ACVR1: variants seen among roughly 807,000 people sequenced by gnomAD.
The protein encoded by ACVR1 is activin receptor type-1.
Under a neutral mutation model 57.1 loss-of-function variants are expected in ACVR1, and 38 were observed. The observed-to-expected ratio is 0.67, with a 90% CI of 0.51 to 0.87. The LOEUF is 0.87. ACVR1 is among the 40% of genes least tolerant of loss of function. ACVR1 has a pLI of 0.00. For missense variants in ACVR1, 463 were observed against 638.2 expected, an observed-to-expected ratio of 0.73 and a Z score of 2.96; for synonymous variants, 212 against 228.1, an observed-to-expected ratio of 0.93 and a Z score of 0.63.
At chr2:157,790,725 TG>T (rs1416391806) in intron 3 of ACVR1, among the ~76,000 whole-genome samples, 5 of 152,192 alleles carry the variant, frequency 3.3e-5, no homozygotes, top group African/African-American at 1.2e-4. Flanking sequence ...GGAGTATGTG[TG>T]CCTGCCTGTC....
In ACVR1 at chr2:157,875,850, C is replaced by T; in HGVS notation, c.-237G>A. The T allele has an allele frequency of 6.7e-6, 1 of 148,878 alleles. No homozygotes were observed. The allele number at this position is 148,878 out of a possible 1,614,324, so 9.2% of individuals were successfully genotyped here. ...CCGGGGGAGGCGGAGTGCGAGGCAGCCGGGCGCTGCAGGTCGGCGCGGCGC... is the reference window on the plus strand; with the variant it reads ...CCGGGGGAGGCGGAGTGCGAGGCAGTCGGGCGCTGCAGGTCGGCGCGGCGC... On this transcript the variant is annotated 5_prime_UTR_variant, in exon 1 of 11. Transcript: ENST00000434821.
chr2:157,864,019 G>A (rs745316134), intron 1 of ACVR1, among the ~76,000 whole-genome samples: 37 of 150,258 alleles, frequency 2.5e-4, no homozygotes, highest in South Asian at 4.3e-4. Flanking sequence ...CACCATGCCC[G>A]ACTAAATTTT....
chr2:157,859,073 G>A (rs1689636338), intron 1 of ACVR1, among the ~76,000 whole-genome samples: 1 of 152,120 alleles, frequency 6.6e-6, no homozygotes, highest in Non-Finnish European at 1.5e-5. Context: ...CTTGAATAGG[G>A]GCTGAGTAAA....
At chr2:157,825,602 T>C (rs896972256) in intron 1 of ACVR1, among the ~76,000 whole-genome samples, 5 of 152,184 alleles carry the variant, frequency 3.3e-5, no homozygotes, top group African/African-American at 1.2e-4. Flanking sequence ...GGAATCTAGG[T>C]TGTACACTCC....
intron 1 of ACVR1, among the ~76,000 whole-genome samples, chr2:157,855,405 T>C (rs1689498746): frequency 6.8e-6 from 1 of 147,766 alleles, no homozygotes; most frequent in Non-Finnish European, 1.5e-5. Flanking sequence ...GAGGCTGACA[T>C]GGGAGGATCA....
rs565295869 is a variant in ACVR1, at chr2:157,868,594, T to C, written c.-183+7202A>G. Among the ~76,000 whole-genome samples, 7 of 152,334 alleles carry C rather than the reference T, an allele frequency of 4.6e-5. No individual in the cohort carries two copies. The South Asian group carries it at 1.5e-3, about 32-fold the overall frequency. On this transcript the variant is annotated intron_variant, in intron 1 of 10. Transcript: ENST00000434821. Reference sequence around the variant, plus strand: ...TTCTCTCTTTTTGGAATGTTGCCTATGCTACAACCTATACACATACAGATA... The same window carrying C: ...TTCTCTCTTTTTGGAATGTTGCCTACGCTACAACCTATACACATACAGATA...
intron 3 of ACVR1, among the ~76,000 whole-genome samples, chr2:157,787,934 C>G (rs2105290989): frequency 6.6e-6 from 1 of 152,274 alleles, no homozygotes; most frequent in East Asian, 1.9e-4. Flanking sequence ...GGGCCTCCTC[C>G]AAGGTTGCCA....
At chr2:157,787,558 T>C (rs1686757820) in intron 3 of ACVR1, among the ~76,000 whole-genome samples, 1 of 152,198 alleles carries the variant, frequency 6.6e-6, no homozygotes, top group South Asian at 2.1e-4. Flanking sequence ...CAGTGAATTG[T>C]AAACACTTCA....
At chr2:157,751,922 C>T (rs944985922) in intron 9 of ACVR1, among the ~76,000 whole-genome samples, 2 of 152,136 alleles carry the variant, frequency 1.3e-5, no homozygotes, top group Non-Finnish European at 2.9e-5. Context: ...ATGGCCCTGC[C>T]CACCACCTGA....
chr2:157,865,518 G>A (rs1251367281), intron 1 of ACVR1, among the ~76,000 whole-genome samples: 22 of 152,072 alleles, frequency 1.4e-4, no homozygotes, highest in African/African-American at 4.6e-4. Flanking sequence ...TAGGCAGGGC[G>A]CGGTGGTTCA....
chr2:157,803,805 C>T (rs1041905969), intron 2 of ACVR1, among the ~76,000 whole-genome samples: 9 of 151,728 alleles, frequency 5.9e-5, no homozygotes, highest in African/African-American at 1.9e-4. Context: ...TACTGAGAAG[C>T]GTGTGTATGT....
intron 3 of ACVR1, among the ~76,000 whole-genome samples, chr2:157,784,586 C>G (rs1686644472): frequency 6.6e-6 from 1 of 152,240 alleles, no homozygotes; most frequent in Admixed American, 6.5e-5. Flanking sequence ...CACTGCGTGC[C>G]CTTTGTATCA....
At chr2:157,841,820 G>T (rs185095486) in intron 1 of ACVR1, among the ~76,000 whole-genome samples, 8 of 152,136 alleles carry the variant, frequency 5.3e-5, no homozygotes, top group African/African-American at 1.7e-4. Context: ...TCAGGAGATC[G>T]AGATCATCCT....
chr2:157,773,800 A>G (rs575777646), intron 6 of ACVR1, among the ~76,000 whole-genome samples: 3 of 152,318 alleles, frequency 2.0e-5, no homozygotes, highest in Admixed American at 1.3e-4. Context: ...AGGAGCAACC[A>G]TATCAATTCA....
intron 1 of ACVR1, among the ~76,000 whole-genome samples, chr2:157,823,923 A>G (rs1431196588): frequency 2.0e-5 from 3 of 152,194 alleles, no homozygotes; most frequent in African/African-American, 7.2e-5. Flanking sequence ...GCTTGAACCA[A>G]CAGGTTCTGA....
chr2:157,867,958 G>T (rs1273930591), intron 1 of ACVR1, among the ~76,000 whole-genome samples: 2 of 152,156 alleles, frequency 1.3e-5, no homozygotes, highest in African/African-American at 4.8e-5. Flanking sequence ...ACCAAGGCCT[G>T]CTTTCATGCC....
intron 8 of ACVR1, among the ~76,000 whole-genome samples, chr2:157,764,984 TA>T (rs1685808545): frequency 6.6e-6 from 1 of 152,168 alleles, no homozygotes; most frequent in African/African-American, 2.4e-5. Flanking sequence ...TTTACATAAC[TA>T]AAGCTATTTT....
At chr2:157,783,400 C>T (rs1407503550) in intron 3 of ACVR1, among the ~76,000 whole-genome samples, 1 of 152,140 alleles carries the variant, frequency 6.6e-6, no homozygotes, top group Non-Finnish European at 1.5e-5. Context: ...GTAAATATCA[C>T]CTTCAGTAAA....
At position 157,759,123 on chromosome 2, in the gene ACVR1, G is replaced by C. The variant is rs1444287666; in HGVS notation, c.1264+1757C>G. Among the ~76,000 whole-genome samples the C allele has an allele frequency of 2.0e-5, 3 of 151,714 alleles. No individual in the cohort carries two copies. The East Asian group carries it at 5.8e-4, about 29-fold the overall frequency. ...GAACAAACCAAACCCAAAATTAATA[G>C]AATAAGAAAGGTCATAGCAAAACTA... On this transcript the variant is annotated intron_variant, in intron 9 of 10. Transcript: ENST00000434821.
Sources: allele counts gnomAD v4.1 joint callset (sites outside exome capture counted in the v4.1 genomes callset), GRCh38; gene constraint gnomAD v4.1.1; transcripts MANE v1.5; gene names NCBI Gene and HGNC (gene_info 2026-07-23, HGNC 2026-07-21).